CCDC7: variants seen among roughly 807,000 people sequenced by gnomAD.
CCDC7 encodes coiled-coil domain-containing protein 7.
Under a neutral mutation model 196.9 loss-of-function variants are expected in CCDC7, and 183 were observed. The ratio of observed to expected loss-of-function variants is 0.93; its 90% CI spans 0.82 to 1.05. The LOEUF (loss-of-function observed/expected upper bound fraction) is 1.05. CCDC7 is among the 50% of genes least tolerant of loss of function. The pLI, the probability that CCDC7 is intolerant of heterozygous loss-of-function variation, is 0.00. For missense variants in CCDC7, 1,540 were observed against 1,482.2 expected, an observed-to-expected ratio of 1.04 and a Z score of -0.64; for synonymous variants, 525 against 484.6, an observed-to-expected ratio of 1.08 and a Z score of -1.10.
chr10:32,707,985 T>C (rs961002528), intron 24 of CCDC7, among the ~76,000 whole-genome samples: 5 of 152,018 alleles, frequency 3.3e-5, no homozygotes, highest in Admixed American at 2.6e-4. Context: ...AAAGTTCATA[T>C]GAAACCAAAA....
At chr10:32,484,194 T>C (rs568422094) in intron 8 of CCDC7, among the ~76,000 whole-genome samples, 46 of 152,190 alleles carry the variant, frequency 3.0e-4, no homozygotes, top group African/African-American at 1.0e-3. Flanking sequence ...TGTAGTTATC[T>C]TTGAAGAGGT....
chr10:32,469,602 A>G (rs2037532130), intron 5 of CCDC7, among the ~76,000 whole-genome samples: 1 of 152,118 alleles, frequency 6.6e-6, no homozygotes, highest in Non-Finnish European at 1.5e-5. Flanking sequence ...CACAAGGGTG[A>G]TATGTTGGAA....
In CCDC7 at chr10:32,552,412, A is replaced by G. The variant is rs539187638; in HGVS notation, c.1134+8111A>G. The stretch of plus-strand genomic sequence containing the variant: ...CAATGTTAGTAATGAAATGTGAGGT[A>G]CTGTTGCATTCATCGTGCTCTTTGT... On this transcript the variant is annotated intron_variant, in intron 13 of 41. Coordinates refer to ENST00000639629, the Ensembl canonical transcript of CCDC7. Among the ~76,000 whole-genome samples the G allele has an allele frequency of 5.6e-4, 85 of 152,280 alleles. 2 individuals are homozygous for G. Among genetic ancestry groups the G allele is most frequent in the Admixed American group, 5.6e-3 (85 of 15,298 alleles).
chr10:32,687,935 G>A (rs1250875015), intron 22 of CCDC7, among the ~76,000 whole-genome samples: 4 of 152,170 alleles, frequency 2.6e-5, no homozygotes, highest in African/African-American at 4.8e-5. Context: ...AGTCCATCAA[G>A]CTCTTCTTTG....
intron 24 of CCDC7, among the ~76,000 whole-genome samples, chr10:32,696,351 T>C (rs2077725649): frequency 6.6e-6 from 1 of 152,166 alleles, no homozygotes; most frequent in Non-Finnish European, 1.5e-5. Context: ...CACAGTCGCC[T>C]GTGCACTATT....
At chr10:32,473,326 G>A (rs1181021490) in intron 7 of CCDC7, among the ~76,000 whole-genome samples, 1 of 152,152 alleles carries the variant, frequency 6.6e-6, no homozygotes, top group Admixed American at 6.6e-5. Flanking sequence ...GAAGACAATA[G>A]CATGAACAAA....
At chr10:32,673,319 G>T (rs1227545891) in intron 21 of CCDC7, among the ~76,000 whole-genome samples, 1 of 151,862 alleles carries the variant, frequency 6.6e-6, no homozygotes, top group African/African-American at 2.4e-5. Flanking sequence ...TTCAATTTCT[G>T]TAAAAGTGTG....
chr10:32,741,536 A>G (rs1312877900), intron 28 of CCDC7, among the ~76,000 whole-genome samples: 4 of 152,108 alleles, frequency 2.6e-5, no homozygotes, highest in East Asian at 3.9e-4. Context: ...GGTCCTCTGT[A>G]TATGTTGGGT....
intron 13 of CCDC7, among the ~76,000 whole-genome samples, chr10:32,560,965 T>C (rs764604111): frequency 2.6e-4 from 40 of 151,786 alleles, no homozygotes; most frequent in Non-Finnish European, 4.6e-4. Context: ...AATAAAAGGA[T>C]GGAGGAAGAT....
chr10:32,583,446 C>G (rs1434352321), intron 17 of CCDC7, 139 bp downstream of exon 18: 3 of 464,352 alleles, frequency 6.5e-6, no homozygotes, highest in Non-Finnish European at 1.0e-5. Context: ...TTAACACAAC[C>G]CACTTTATAT....
chr10:32,732,071 G>C (rs1220795325), intron 28 of CCDC7, among the ~76,000 whole-genome samples: 1 of 151,920 alleles, frequency 6.6e-6, no homozygotes, highest in Non-Finnish European at 1.5e-5. Context: ...AAACAAAACT[G>C]ATAGGAAACT....
chr10:32,580,640 T>C (rs1201544328), intron 16 of CCDC7, among the ~76,000 whole-genome samples: 1 of 152,136 alleles, frequency 6.6e-6, no homozygotes, highest in Non-Finnish European at 1.5e-5. Flanking sequence ...GTTCCACATG[T>C]TGTATTGTTG....
chr10:32,814,583 C>A, intron 31 of CCDC7, 130 bp downstream of exon 32: 1 of 613,300 alleles, frequency 1.6e-6, no homozygotes, highest in Non-Finnish European at 2.9e-6. Context: ...TTATGAATTC[C>A]CCTCTATAAT....
intron 20 of CCDC7, among the ~76,000 whole-genome samples, chr10:32,654,864 G>A (rs1235063784): frequency 6.6e-6 from 1 of 152,126 alleles, no homozygotes; most frequent in Non-Finnish European, 1.5e-5. Context: ...GCTTTATAGA[G>A]CCACTCCTTA....
intron 20 of CCDC7, among the ~76,000 whole-genome samples, chr10:32,662,438 C>T (rs1316605125): frequency 1.3e-5 from 2 of 152,164 alleles, no homozygotes; most frequent in African/African-American, 2.4e-5. Context: ...CATCTTGCTC[C>T]ACCACTTTGG....
intron 31 of CCDC7, among the ~76,000 whole-genome samples, chr10:32,816,006 G>C (rs1291442639): frequency 6.6e-6 from 1 of 152,202 alleles, no homozygotes; most frequent in Non-Finnish European, 1.5e-5. Context: ...AGTGGGTGCA[G>C]TGCACCAAGT....
chr10:32,713,108 T>A (rs934727761), intron 25 of CCDC7, among the ~76,000 whole-genome samples: 1 of 152,184 alleles, frequency 6.6e-6, no homozygotes, highest in African/African-American at 2.4e-5. Context: ...CTAGTGTTGG[T>A]TCATATAGAA....
chr10:32,662,463 G>A (rs1032608965), intron 20 of CCDC7, among the ~76,000 whole-genome samples: 2 of 152,166 alleles, frequency 1.3e-5, no homozygotes, highest in Admixed American at 6.5e-5. Context: ...CCAGGATAGC[G>A]CTTTTATTAG....
Position 32,585,797 on chromosome 10 carries a change from C to T in CCDC7, c.1801+1493C>T, listed in dbSNP as rs147450050. Among the ~76,000 whole-genome samples, 1,206 of 152,210 alleles carry T rather than the reference C, an allele frequency of 7.9e-3. 14 individuals carry two copies. Among genetic ancestry groups the T allele is most frequent in the Non-Finnish European group, 0.013 (878 of 68,014 alleles). ...CATTGATGGGCATTTGGGTTGGTTCCAAGCCTTTGTTATTGTGAACAGTGC... is the reference window on the plus strand; with the variant it reads ...CATTGATGGGCATTTGGGTTGGTTCTAAGCCTTTGTTATTGTGAACAGTGC... On this transcript the variant is annotated intron_variant, in intron 18 of 41. Coordinates refer to ENST00000639629, the Ensembl canonical transcript of CCDC7.
Sources: gnomAD v4.1 joint callset for allele counts (sites outside exome capture counted in the v4.1 genomes callset) on GRCh38, gnomAD v4.1.1 for gene constraint, MANE v1.5 for transcripts, NCBI Gene and HGNC (gene_info 2026-07-23, HGNC 2026-07-21) for gene names.